BLMH: variants seen among roughly 807,000 people sequenced by gnomAD.
BLMH encodes the protein BLM hydrolase.
A neutral mutation model predicts 61.6 loss-of-function variants in BLMH; 32 were observed. That is an observed-to-expected ratio of 0.52 (90% CI 0.39 to 0.70). The LOEUF is 0.70. Ranked by LOEUF, BLMH falls within the 30% of genes least tolerant of loss-of-function variation. The pLI is 0.00. For synonymous variants in BLMH, 183 were observed against 193.8 expected (o/e 0.94, Z 0.46); for missense variants, 460 against 555.5 (o/e 0.83, Z 1.73).
intron 10 of BLMH, among the ~76,000 whole-genome samples, chr17:30,268,998 C>G (rs1196947392): frequency 6.7e-6 from 1 of 150,128 alleles, no homozygotes; most frequent in East Asian, 2.0e-4. Flanking sequence ...TGAGATTGTG[C>G]CACTGCACTC....
At chr17:30,287,064 T>C (rs1396144304) in intron 4 of BLMH, among the ~76,000 whole-genome samples, 162 bp from the exon 5 acceptor site, 1 of 152,178 alleles carries the variant, frequency 6.6e-6, no homozygotes, top group African/African-American at 2.4e-5. Flanking sequence ...TTTTTTGTTT[T>C]TGACAGAGTT....
intron 6 of BLMH, among the ~76,000 whole-genome samples, chr17:30,284,062 T>C (rs1908662216): frequency 6.6e-6 from 1 of 152,162 alleles, no homozygotes; most frequent in Admixed American, 6.5e-5. Context: ...TCACAGACTG[T>C]TAAGTAAAAG....
intron 9 of BLMH, 170 bp from the exon 10 acceptor site, chr17:30,271,558 T>G (rs553226329): frequency 1.8e-6 from 1 of 555,590 alleles, no homozygotes; most frequent in African/African-American, 1.9e-5. Context: ...ACTTAGTCTC[T>G]CAGTGGGAGT....
intron 11 of BLMH, among the ~76,000 whole-genome samples, chr17:30,254,177 C>A (rs1016223530): frequency 6.6e-6 from 1 of 152,034 alleles, no homozygotes; most frequent in African/African-American, 2.4e-5. Context: ...TGTCTTTGTT[C>A]TATGAGGAAT....
At chr17:30,290,661 G>T (rs1908860809) in intron 2 of BLMH, among the ~76,000 whole-genome samples, 1 of 152,210 alleles carries the variant, frequency 6.6e-6, no homozygotes, top group African/African-American at 2.4e-5. Context: ...TTTGTTGTGA[G>T]AATGTGCTCC....
intron 11 of BLMH, among the ~76,000 whole-genome samples, chr17:30,255,407 T>C (rs1597656297): frequency 6.6e-6 from 1 of 152,340 alleles, no homozygotes; most frequent in Admixed American, 6.5e-5. Flanking sequence ...AAAAGATCCC[T>C]GTCTTAAGCA....
At chr17:30,291,747 G>T in intron 1 of BLMH, 60 bp downstream of exon 1, 1 of 1,422,942 alleles carries the variant, frequency 7.0e-7, no homozygotes, top group South Asian at 1.5e-5. Flanking sequence ...CCGCCGCCGG[G>T]CCTCACGGGG....
chr17:30,291,747 G>C, intron 1 of BLMH, 60 bp downstream of exon 1: 1 of 1,422,944 alleles, frequency 7.0e-7, no homozygotes, highest in Non-Finnish European at 9.2e-7. Context: ...CCGCCGCCGG[G>C]CCTCACGGGG....
intron 11 of BLMH, among the ~76,000 whole-genome samples, chr17:30,260,989 T>C (rs1907941709): frequency 1.3e-5 from 2 of 152,194 alleles, no homozygotes; most frequent in South Asian, 4.1e-4. Flanking sequence ...TGAAACCCTC[T>C]GAGGTGACAA....
rs375561230 is a variant in BLMH, at chr17:30,273,674, G to C, written c.801+368C>G. The C allele has an allele frequency of 5.2e-5, 13 of 249,492 alleles. No homozygotes were observed. The East Asian group carries it at 8.5e-4, about 16-fold the overall frequency. The allele number at this position is 249,492 out of a possible 1,614,324, so 15.5% of individuals were successfully genotyped here. ...AAACTAAGATTACTCCCTTCAACAG[G>C]AGAGTTCCCCGAGGGGACCTCAGTG... On this transcript the variant is annotated intron_variant, in intron 7 of 11. Transcript: ENST00000261714.
At chr17:30,291,639 G>C in intron 1 of BLMH, 131 bp from the exon 2 acceptor site, 1 of 1,389,060 alleles carries the variant, frequency 7.2e-7, no homozygotes, top group Non-Finnish European at 9.7e-7. Flanking sequence ...CCCATAAGCG[G>C]CATCCTCCTC....
At chr17:30,273,976 C>T (rs1213247864) in intron 7 of BLMH, 66 bp downstream of exon 7, 6 of 1,571,086 alleles carry the variant, frequency 3.8e-6, no homozygotes, top group Non-Finnish European at 5.2e-6. Flanking sequence ...GAATCTTATA[C>T]AATTCCCTGT....
chr17:30,278,724 C>T (rs986806990), intron 6 of BLMH, among the ~76,000 whole-genome samples: 2 of 152,168 alleles, frequency 1.3e-5, no homozygotes, highest in East Asian at 1.9e-4. Context: ...GGCTGGAATG[C>T]GGTGGCACGA....
At chr17:30,287,660 G>T in intron 4 of BLMH, 146 bp downstream of exon 4, 1 of 885,558 alleles carries the variant, frequency 1.1e-6, no homozygotes, top group Non-Finnish European at 1.6e-6. Context: ...GTGAGAATGT[G>T]AACTAAAGGT....
intron 11 of BLMH, among the ~76,000 whole-genome samples, chr17:30,261,997 C>T (rs1464211069): frequency 6.6e-6 from 1 of 152,102 alleles, no homozygotes; most frequent in African/African-American, 2.4e-5. Context: ...GGGTTAAAAA[C>T]AATTTCAAAT....
chr17:30,250,158 C>T (rs1230609769), intron 11 of BLMH: 1 of 152,178 alleles, frequency 6.6e-6, no homozygotes, highest in East Asian at 1.9e-4. Flanking sequence ...AAAAACTCTT[C>T]CAGACATTGG....
chr17:30,285,573 A>G, intron 5 of BLMH, 93 bp from the exon 6 acceptor site: 1 of 958,060 alleles, frequency 1.0e-6, no homozygotes, highest in South Asian at 1.8e-5. Flanking sequence ...TTTGAGGTAT[A>G]ACTCAGGCCA....
intron 11 of BLMH, among the ~76,000 whole-genome samples, chr17:30,254,056 CT>C (rs572612084): frequency 2.6e-5 from 4 of 152,088 alleles, no homozygotes; most frequent in South Asian, 2.1e-4. Context: ...CCTAAGAAAA[CT>C]TTTTTTTCTG....
chr17:30,257,940 A>T (rs150887898), intron 11 of BLMH, among the ~76,000 whole-genome samples: 267 of 152,270 alleles, frequency 1.8e-3, no homozygotes, highest in Non-Finnish European at 2.0e-3. Flanking sequence ...CACAAACCCC[A>T]TATCAACAAA....
Sources: allele counts gnomAD v4.1 joint callset (sites outside exome capture counted in the v4.1 genomes callset), GRCh38; gene constraint gnomAD v4.1.1; transcripts MANE v1.5; gene names NCBI Gene and HGNC (gene_info 2026-07-23, HGNC 2026-07-21).